SLC23A2: variants seen among roughly 807,000 people sequenced by gnomAD.
SLC23A2 encodes the protein solute carrier family 23 member 2, also known as Na(+)/L-ascorbic acid transporter 2.
In SLC23A2, 36 loss-of-function variants were observed where a neutral mutation model predicts 73.3. That is an observed-to-expected ratio of 0.49 (90% CI 0.38 to 0.65). The LOEUF is 0.65. SLC23A2 is among the 30% of genes least tolerant of loss of function. SLC23A2 has a pLI of 0.00. For synonymous variants in SLC23A2, 343 were observed against 327.3 expected, an observed-to-expected ratio of 1.05 and a Z score of -0.52; for missense variants, 507 against 841.6, an observed-to-expected ratio of 0.60 and a Z score of 4.92.
At chr20:4,995,565 C>A (rs892985730) in intron 1 of SLC23A2, among the ~76,000 whole-genome samples, 2 of 152,176 alleles carry the variant, frequency 1.3e-5, no homozygotes, top group East Asian at 3.8e-4. Flanking sequence ...TCCTGCTCCA[C>A]CCTTTGCTCA....
At chr20:4,962,292 C>T (rs937874753) in intron 2 of SLC23A2, among the ~76,000 whole-genome samples, 2 of 152,036 alleles carry the variant, frequency 1.3e-5, no homozygotes, top group African/African-American at 4.8e-5. Context: ...ACTGAGGGAG[C>T]TTGACAAGTT....
At chr20:4,953,016 CA>C (rs575001699) in intron 2 of SLC23A2, among the ~76,000 whole-genome samples, 1 of 141,182 alleles carries the variant, frequency 7.1e-6, no homozygotes, top group African/African-American at 2.7e-5. Context: ...GAACGAGACT[CA>C]AAAAAAAAGG....
chr20:4,962,724 C>T (rs572828806), intron 2 of SLC23A2, among the ~76,000 whole-genome samples: 21 of 151,798 alleles, frequency 1.4e-4, no homozygotes, highest in Admixed American at 9.9e-4. Flanking sequence ...GATGGCCTGG[C>T]GCAGTGGTTC....
intron 2 of SLC23A2, among the ~76,000 whole-genome samples, chr20:4,939,809 T>C (rs2122959563): frequency 6.6e-6 from 1 of 152,166 alleles, no homozygotes; most frequent in Non-Finnish European, 1.5e-5. Context: ...ATAAATTAAA[T>C]AAAAATATGT....
chr20:4,951,840 A>C (rs1450634545), intron 2 of SLC23A2, among the ~76,000 whole-genome samples: 3 of 152,162 alleles, frequency 2.0e-5, no homozygotes, highest in African/African-American at 7.2e-5. Context: ...GTGGTGGCTC[A>C]CACCTGTAAT....
intron 7 of SLC23A2, 88 bp from the exon 8 acceptor site, chr20:4,884,911 CT>C: frequency 2.7e-6 from 2 of 750,910 alleles, no homozygotes; most frequent in Non-Finnish European, 2.2e-6. Flanking sequence ...AATTTTCTCC[CT>C]GTTTTTATTA....
At chr20:4,891,147 G>T (rs980818326) in intron 6 of SLC23A2, among the ~76,000 whole-genome samples, 9 of 152,204 alleles carry the variant, frequency 5.9e-5, no homozygotes, top group African/African-American at 2.2e-4. Flanking sequence ...AGGAAGAATG[G>T]GGGTTAGGGG....
At chr20:4,895,254 C>T (rs1035490643) in intron 6 of SLC23A2, among the ~76,000 whole-genome samples, 1 of 152,174 alleles carries the variant, frequency 6.6e-6, no homozygotes, top group Non-Finnish European at 1.5e-5. Flanking sequence ...CCAAAAAAGC[C>T]CACAGAGGCC....
rs1277774924 is a variant in SLC23A2 at position 4,862,683 on chromosome 20, C to T, written c.1486+95G>A. On this transcript the variant is annotated intron_variant, in intron 14 of 16. Coordinates refer to ENST00000338244, the MANE Select transcript of SLC23A2 (RefSeq NM_005116.6). This position sits in a 1 kb window ranked among gnomAD's most constrained non-coding sequence, Gnocchi z 5.1. ...TTTGTATTTTAAAATAGAAATTTATCGTTACCTTCTTACTGAAGGGAGTCA... is the reference window on the plus strand; with the variant it reads ...TTTGTATTTTAAAATAGAAATTTATTGTTACCTTCTTACTGAAGGGAGTCA... 8.1e-6 allele frequency: 9 copies of T among 1,116,106 alleles called. No homozygotes were observed. The highest frequency in any genetic ancestry group is 7.2e-5 in the East Asian group (3 of 41,558). The allele number at this position is 1,116,106 out of a possible 1,614,324, so 69.1% of individuals were successfully genotyped here.
At chr20:4,898,264 C>T (rs1043626574) in intron 6 of SLC23A2, among the ~76,000 whole-genome samples, 1 of 152,192 alleles carries the variant, frequency 6.6e-6, no homozygotes, top group African/African-American at 2.4e-5. Flanking sequence ...CTTGCCAGCC[C>T]CAAAGCCTTT....
upstream of SLC23A2, among the ~76,000 whole-genome samples, chr20:5,004,523 T>G (rs956501230): frequency 1.3e-5 from 2 of 152,130 alleles, no homozygotes; most frequent in Non-Finnish European, 2.9e-5. Flanking sequence ...ACACCTTTTC[T>G]GAAAATCCTT....
Position 4,862,362 on chromosome 20 carries a change from C to T in SLC23A2, c.1487-277G>A. On this transcript the variant is annotated intron_variant, in intron 14 of 16. Transcript: ENST00000338244. The surrounding 1 kb of genome is among the most constrained non-coding windows in gnomAD (Gnocchi z 5.1). ...ATAGAAAACTAAGGACATTGGTTCT[C>T]TCTCTACACAAACATTTTGATTAAA... 6.6e-6 allele frequency among the ~76,000 whole-genome samples: 1 copy of T among 152,206 alleles called. No homozygotes were observed. Among genetic ancestry groups the T allele is most frequent in the Non-Finnish European group, 1.5e-5 (1 of 68,036 alleles).
intron 2 of SLC23A2, among the ~76,000 whole-genome samples, chr20:4,960,179 C>T (rs527737809): frequency 3.9e-5 from 6 of 152,112 alleles, no homozygotes; most frequent in Non-Finnish European, 8.8e-5. Flanking sequence ...TATCCACAAA[C>T]CACATGGCCT....
intron 2 of SLC23A2, among the ~76,000 whole-genome samples, chr20:4,965,401 TTC>T (rs1261324588): frequency 3.3e-5 from 5 of 152,202 alleles, no homozygotes; most frequent in Admixed American, 3.3e-4. Context: ...GTTACTATAC[TTC>T]TTCACATTTC....
chr20:4,864,354 C>G (rs1930107770), intron 13 of SLC23A2, among the ~76,000 whole-genome samples: 1 of 152,194 alleles, frequency 6.6e-6, no homozygotes, highest in African/African-American at 2.4e-5. Context: ...CTCAAAGGAC[C>G]AGGGTCAGCC....
chr20:4,982,977 C>T (rs1257006962), intron 1 of SLC23A2, among the ~76,000 whole-genome samples: 2 of 152,040 alleles, frequency 1.3e-5, no homozygotes, highest in Non-Finnish European at 2.9e-5. Flanking sequence ...TGGTAGCACA[C>T]GCCTGTAATC....
At chr20:4,940,625 A>G (rs1444007469) in intron 2 of SLC23A2, among the ~76,000 whole-genome samples, 1 of 152,238 alleles carries the variant, frequency 6.6e-6, no homozygotes, top group Non-Finnish European at 1.5e-5. Context: ...AGAAATATTT[A>G]TTGACATGGA....
intron 2 of SLC23A2, among the ~76,000 whole-genome samples, chr20:4,961,372 A>G (rs74642751): frequency 0.07 from 10,583 of 151,782 alleles, 774 homozygotes; most frequent in African/African-American, 0.19. Flanking sequence ...GTGAGCCACC[A>G]CGCCTGGCCT....
intron 2 of SLC23A2, among the ~76,000 whole-genome samples, chr20:4,951,747 A>G (rs1394664767): frequency 6.6e-6 from 1 of 152,178 alleles, no homozygotes; most frequent in Non-Finnish European, 1.5e-5. Flanking sequence ...AAACCACTAA[A>G]TTGTATATTT....
Sources: gnomAD v4.1 joint callset for allele counts (sites outside exome capture counted in the v4.1 genomes callset) on GRCh38, gnomAD v4.1.1 for gene constraint, Gnocchi (gnomAD v3.1) non-coding constraint, MANE v1.5 for transcripts, NCBI Gene and HGNC (gene_info 2026-07-23, HGNC 2026-07-21) for gene names.